The following MMP12 variants were observed in gnomAD, a reference collection of about 807,000 sequenced individuals.
The protein encoded by MMP12 is matrix metallopeptidase 12, also known as macrophage metalloelastase.
In MMP12, 51 loss-of-function variants were observed where a neutral mutation model predicts 45.2. That is an observed-to-expected ratio of 1.13 (90% CI 0.90 to 1.42). The LOEUF (loss-of-function observed/expected upper bound fraction) is 1.42, where lower values mean the gene tolerates loss of function less well. Ranked by LOEUF, MMP12 falls within the 40% of genes most tolerant of loss-of-function variation. MMP12 has a pLI of 0.00. For synonymous variants in MMP12, 210 were observed against 193.3 expected, an observed-to-expected ratio of 1.09 and a Z score of -0.72; for missense variants, 530 against 570.8, an observed-to-expected ratio of 0.93 and a Z score of 0.73.
chr11:102,873,685 G>T (rs971465808), intron 1 of MMP12, among the ~76,000 whole-genome samples: 2 of 152,172 alleles, frequency 1.3e-5, no homozygotes, highest in Non-Finnish European at 1.5e-5. Flanking sequence ...CCCAGTGGAA[G>T]TATCTTTTTT....
At position 102,864,246 on chromosome 11, in the gene MMP12, A is replaced by G; in HGVS notation, c.1212T>C (p.Asp404=). ...CAGGGTCCATCATCTGTCTCCTTTCATCATACCTGAGCAAAGAAGTAACCA... is the reference window on the plus strand; with the variant it reads ...CAGGGTCCATCATCTGTCTCCTTTCGTCATACCTGAGCAAAGAAGTAACCA... ...FFVDNQYWRY[D]ERRQMMDPGY... is the part of the protein sequence containing the mutation. The change falls in exon 9 of 10, where the codon GAT becomes GAC. Residue 404 remains aspartate (D), a synonymous_variant. Coordinates refer to ENST00000571244, the MANE Select transcript of MMP12 (RefSeq NM_002426.6). 1 of 1,611,116 alleles carries G rather than the reference A, an allele frequency of 6.2e-7. No individual in the cohort carries two copies. The highest frequency in any genetic ancestry group is 8.5e-7 in the Non-Finnish European group (1 of 1,177,486).
At position 102,864,183 on chromosome 11, in the gene MMP12, G is replaced by A. The variant is rs199691270; in HGVS notation, c.1275C>T (p.Ile425=). ...PKLITKNFQG[I]GPKIDAVFYS... is the part of the protein sequence containing the mutation. ...AGAAGACTGCATCAATTTTAGGCCCGATTCCTTGGAAGTTCTTGGTAATCA... is the reference window on the plus strand; with the variant it reads ...AGAAGACTGCATCAATTTTAGGCCCAATTCCTTGGAAGTTCTTGGTAATCA... The change falls in exon 9 of 10, where the codon ATC becomes ATT. Residue 425 remains isoleucine (I), a synonymous_variant. Coordinates refer to ENST00000571244, the MANE Select transcript of MMP12 (RefSeq NM_002426.6). The A allele has an allele frequency of 1.5e-5, 25 of 1,613,530 alleles. No homozygotes were observed. The highest frequency in any genetic ancestry group is 2.7e-5 in the African/African-American group (2 of 74,886).
At position 102,873,055 on chromosome 11, in the gene MMP12, T is replaced by A. The variant is rs782759740; in HGVS notation, c.160A>T (p.Lys54Ter). Residue 54 changes from lysine to a stop codon, truncating the protein, a stop_gained, in exon 2 of 10, where the codon AAA (lysine) becomes TAA (stop). Coordinates refer to ENST00000571244, the MANE Select transcript of MMP12 (RefSeq NM_002426.6). LOFTEE classifies it high-confidence loss of function. ...TCCTTCATTAAGTTTCCACTATATTTCATTTTTGTCACTGGAAGTTTGTTT... is the reference window on the plus strand; with the variant it reads ...TCCTTCATTAAGTTTCCACTATATTACATTTTTGTCACTGGAAGTTTGTTT... ...EINKLPVTKM[K>*]YSGNLMKEKI... 1.2e-6 allele frequency: 2 copies of A among 1,613,242 alleles called. No homozygotes were observed. The highest frequency in any genetic ancestry group is 4.5e-5 in the East Asian group (2 of 44,856).
At position 102,865,980 on chromosome 11, in the gene MMP12, A is replaced by T; in HGVS notation, c.1046-45T>A. 7.1e-7 allele frequency: 1 copy of T among 1,414,242 alleles called. No homozygotes were observed. The highest frequency in any genetic ancestry group is 1.3e-5 in the South Asian group (1 of 77,828). The allele number at this position is 1,414,242 out of a possible 1,614,324, so 87.6% of individuals were successfully genotyped here. A position where few individuals can be genotyped will look rare whatever the true frequency, so the allele number is the denominator to read the frequency against. ...GGGTAAATTTGAATTATACAGGAAG[A>T]GTAATAAGAAAATATTGATTTACTA... On this transcript the variant is annotated intron_variant, in intron 7 of 9. Transcript: ENST00000571244. The surrounding 1 kb of genome is among the most constrained non-coding windows in gnomAD (Gnocchi z 4.1).
intron 8 of MMP12, among the ~76,000 whole-genome samples, chr11:102,864,936 A>C (rs570946726): frequency 6.6e-6 from 1 of 152,358 alleles, no homozygotes; most frequent in South Asian, 2.1e-4. Context: ...GGAAAACTAA[A>C]CAGAAACACT....
At chr11:102,868,830 GA>G (rs1334307716) in intron 4 of MMP12, among the ~76,000 whole-genome samples, 2 of 152,022 alleles carry the variant, frequency 1.3e-5, no homozygotes, top group African/African-American at 4.8e-5. Flanking sequence ...ACAAAAAAGA[GA>G]AAAAATAAAT....
chr11:102,864,287 G>A, intron 8 of MMP12, 35 bp from the exon 9 acceptor site: 1 of 1,480,456 alleles, frequency 6.8e-7, no homozygotes, highest in Non-Finnish European at 9.4e-7. Flanking sequence ...AACTCAATCA[G>A]AAAGTGGCTT....
chr11:102,863,043 G>T lies in MMP12; in HGVS notation c.*57C>A. 2 of 1,114,162 alleles carry T rather than the reference G, an allele frequency of 1.8e-6. No individual in the cohort carries two copies. The highest frequency in any genetic ancestry group is 2.7e-6 in the Non-Finnish European group (2 of 749,398). The allele number at this position is 1,114,162 out of a possible 1,614,324, so 69.0% of individuals were successfully genotyped here. ...GGTACACTGAGGACATAGCAAATAT[G>T]CAATAAATACTTATTAAGCTGAAGT... On this transcript the variant is annotated 3_prime_UTR_variant, in exon 10 of 10. Coordinates refer to ENST00000571244, the MANE Select transcript of MMP12 (RefSeq NM_002426.6).
Position 102,865,597 on chromosome 11 carries a change from A to G in MMP12, c.1205+179T>C, listed in dbSNP as rs559384030. ...TTATCTACTATTTCATATATCAGAA[A>G]CCAAAAACACAAAGAACTAAGTTGA... On this transcript the variant is annotated intron_variant, in intron 8 of 9. Coordinates refer to ENST00000571244, the MANE Select transcript of MMP12 (RefSeq NM_002426.6). The surrounding 1 kb of genome is among the most constrained non-coding windows in gnomAD (Gnocchi z 4.1). Among the ~76,000 whole-genome samples, 3 of 152,300 alleles carry G rather than the reference A, an allele frequency of 2.0e-5. No homozygotes were observed. The South Asian group carries it at 6.2e-4, about 32-fold the overall frequency.
rs1315459691 is a variant in MMP12, at chr11:102,871,867, G to A, written c.436C>T (p.Pro146Ser). 8.1e-6 allele frequency: 13 copies of A among 1,613,702 alleles called. No homozygotes were observed. Among genetic ancestry groups the A allele is most frequent in the Non-Finnish European group, 1.1e-5 (13 of 1,179,820 alleles). ...GTGTTAATCTTGCTGAATTTCAAGG[G>A]GGTAACATTACTCCATACTTGGAAA... ...KAFQVWSNVT[P>S]LKFSKINTGM... The change falls in exon 3 of 10, where the codon CCC becomes TCC. Residue 146 changes from proline to serine, a missense_variant. Physicochemically the swap from Pro to Ser is moderately conservative, Grantham distance 74. Transcript: ENST00000571244.
Position 102,867,344 on chromosome 11 carries a change from T to C in MMP12, c.837A>G (p.Pro279=), listed in dbSNP as rs17368582. ...QRLPNPDNSE[P]ALCDPNLSFD... is the part of the protein sequence containing the mutation. ...AACTCAAATTGGGGTCACAGAGAGC[T>C]GGTTCTGAATTGTCAGGATTTGGCA... The change falls in exon 6 of 10, where the codon CCA becomes CCG. Residue 279 remains proline (P), a synonymous_variant. Transcript: ENST00000571244. The C allele has an allele frequency of 0.11, 182,113 of 1,610,294 alleles. 11,624 individuals carry two copies. Among genetic ancestry groups the C allele is most frequent in the Middle Eastern group, 0.13 (773 of 6,054 alleles).
intron 1 of MMP12, among the ~76,000 whole-genome samples, 184 bp from the exon 2 acceptor site, chr11:102,873,296 T>A (rs1859535716): frequency 6.6e-6 from 1 of 152,156 alleles, no homozygotes; most frequent in Non-Finnish European, 1.5e-5. Flanking sequence ...ACCTTAATTT[T>A]TTGTGCTATC....
chr11:102,869,935 A>G (rs1359695503), intron 4 of MMP12, among the ~76,000 whole-genome samples: 3 of 152,204 alleles, frequency 2.0e-5, no homozygotes, highest in Non-Finnish European at 2.9e-5. Flanking sequence ...AGCAAATAAC[A>G]GCAACAACAA....
chr11:102,868,333 T>C (rs1859434270), intron 4 of MMP12, among the ~76,000 whole-genome samples: 2 of 152,178 alleles, frequency 1.3e-5, no homozygotes, highest in East Asian at 3.8e-4. Flanking sequence ...AACCAAAAAA[T>C]GTCTCCAGAC....
Position 102,867,392 on chromosome 11 carries a change from T to C in MMP12, c.789A>G (p.Gly263=). ...DDIRGIQSLY[G]DPKENQRLPN... ...GCAAGCGTTGGTTCTCTTTTGGGTC[T>C]CCTGAAAATACATTTCGAGAAGCAT... The change falls in exon 6 of 10, where the codon GGA becomes GGG. Residue 263 remains glycine (G), a splice_region_variant and synonymous_variant. Coordinates refer to ENST00000571244, the MANE Select transcript of MMP12 (RefSeq NM_002426.6). The C allele has an allele frequency of 3.7e-6, 6 of 1,602,668 alleles. No homozygotes were observed. Among genetic ancestry groups the C allele is most frequent in the Non-Finnish European group, 5.1e-6 (6 of 1,176,454 alleles).
intron 4 of MMP12, among the ~76,000 whole-genome samples, chr11:102,870,813 G>A (rs1441757701): frequency 6.6e-6 from 1 of 152,142 alleles, no homozygotes; most frequent in Non-Finnish European, 1.5e-5. Context: ...TTTCTCTATA[G>A]GGATGCTTAG....
chr11:102,867,660 T>C (rs990608810), intron 5 of MMP12, among the ~76,000 whole-genome samples: 6 of 152,160 alleles, frequency 3.9e-5, no homozygotes, highest in African/African-American at 1.4e-4. Context: ...AGTAAGGCAA[T>C]GGTATCTTGG....
In MMP12 at chr11:102,864,260, A is replaced by C. The variant is rs201997275; in HGVS notation, c.1206-8T>G. 1.0e-4 allele frequency: 163 copies of C among 1,594,572 alleles called. No individual in the cohort carries two copies. Among genetic ancestry groups the C allele is most frequent in the Non-Finnish European group, 6.9e-6 (8 of 1,162,656 alleles). ...TGTCTCCTTTCATCATACCTGAGCA[A>C]AGAAGTAACCAGCAGGAACTCAATC... On this transcript the variant is annotated splice_polypyrimidine_tract_variant and splice_region_variant and intron_variant, in intron 8 of 9. Coordinates refer to ENST00000571244, the MANE Select transcript of MMP12 (RefSeq NM_002426.6).
chr11:102,866,578 G>T, intron 6 of MMP12, 130 bp from the exon 7 acceptor site: 1 of 919,782 alleles, frequency 1.1e-6, no homozygotes, highest in South Asian at 1.7e-5. Context: ...TTCCATGGAT[G>T]TCTGATGTTC....
Sources: allele counts gnomAD v4.1 joint callset (sites outside exome capture counted in the v4.1 genomes callset), GRCh38; gene constraint gnomAD v4.1.1; non-coding constraint Gnocchi (gnomAD v3.1); transcripts MANE v1.5; gene names NCBI Gene and HGNC (gene_info 2026-07-23, HGNC 2026-07-21).